ROBO1: variants seen among roughly 807,000 people sequenced by gnomAD.
ROBO1 encodes roundabout homolog 1.
In ROBO1, 149 loss-of-function variants were observed where a neutral mutation model predicts 195.9. The observed-to-expected ratio is 0.76, with a 90% CI of 0.67 to 0.87. ROBO1 has a LOEUF of 0.87. Ranked by LOEUF, ROBO1 falls within the 40% of genes least tolerant of loss-of-function variation. The probability of loss-of-function intolerance (pLI) is 0.00; values close to 1 mark genes in which losing one functional copy is unlikely to be tolerated. For missense variants in ROBO1, 1,933 were observed against 2,068.3 expected (o/e 0.93, Z 1.27); for synonymous variants, 816 against 733.2 (o/e 1.11, Z -1.82).
intron 2 of ROBO1, among the ~76,000 whole-genome samples, chr3:79,458,708 GA>G (rs566900439): frequency 1.7e-4 from 25 of 146,476 alleles, no homozygotes; most frequent in Middle Eastern, 3.5e-3. Flanking sequence ...TTTTCCATAG[GA>G]AAAAAAAAAC....
At chr3:79,381,768 T>TA (rs1300716206) in intron 2 of ROBO1, among the ~76,000 whole-genome samples, 3 of 152,054 alleles carry the variant, frequency 2.0e-5, no homozygotes, top group African/African-American at 7.2e-5. Flanking sequence ...TTTTCATATG[T>TA]AAAATGCTAT....
chr3:78,647,486 G>T, intron 20 of ROBO1, 143 bp downstream of exon 20: 3 of 794,144 alleles, frequency 3.8e-6, no homozygotes, highest in Admixed American at 3.8e-5. Context: ...ACACATGCCT[G>T]GTGTGAGTAA....
At chr3:79,424,927 T>C (rs2038385174) in intron 2 of ROBO1, among the ~76,000 whole-genome samples, 1 of 152,044 alleles carries the variant, frequency 6.6e-6, no homozygotes, top group African/African-American at 2.4e-5. Flanking sequence ...GAGAATGAAG[T>C]CATGCTAGAA....
chr3:79,655,744 A>G (rs1486086588), intron 1 of ROBO1, among the ~76,000 whole-genome samples: 1 of 152,114 alleles, frequency 6.6e-6, no homozygotes, highest in Admixed American at 6.6e-5. Context: ...AAAAGTAAGC[A>G]AGGGAGTATG....
intron 10 of ROBO1, among the ~76,000 whole-genome samples, chr3:78,675,526 G>A (rs1708361626): frequency 6.6e-6 from 1 of 152,194 alleles, no homozygotes; most frequent in Non-Finnish European, 1.5e-5. Flanking sequence ...TCCCGCACTT[G>A]GCTCGGAGGG....
intron 15 of ROBO1, 130 bp from the exon 16 acceptor site, chr3:78,661,391 T>C (rs1418286540): frequency 6.0e-6 from 3 of 500,042 alleles, no homozygotes; most frequent in African/African-American, 3.9e-5. Flanking sequence ...ACACAAGAAA[T>C]GTGTAAGAAT....
At chr3:78,623,644 G>T (rs1160957034) in intron 26 of ROBO1, among the ~76,000 whole-genome samples, 1 of 152,196 alleles carries the variant, frequency 6.6e-6, no homozygotes, top group African/African-American at 2.4e-5. Flanking sequence ...CAAGGAATTA[G>T]ACTGAAGGAG....
intron 3 of ROBO1, among the ~76,000 whole-genome samples, chr3:79,102,457 T>C (rs573135647): frequency 6.6e-6 from 1 of 151,720 alleles, no homozygotes; most frequent in African/African-American, 2.4e-5. Context: ...ATTGCAGCCA[T>C]AAAACACATA....
At chr3:78,839,163 A>G (rs1461060567) in intron 4 of ROBO1, among the ~76,000 whole-genome samples, 1 of 152,136 alleles carries the variant, frequency 6.6e-6, no homozygotes. Context: ...GATTCATTGC[A>G]TTGCATCACA....
At chr3:78,745,288 C>T (rs371052302) in intron 5 of ROBO1, among the ~76,000 whole-genome samples, 2 of 123,066 alleles carry the variant, frequency 1.6e-5, no homozygotes, top group South Asian at 2.4e-4. Flanking sequence ...AGCCTGGTGA[C>T]AGAGCAAGAC....
chr3:79,257,449 C>G (rs1291222501), intron 2 of ROBO1, among the ~76,000 whole-genome samples: 1 of 152,108 alleles, frequency 6.6e-6, no homozygotes, highest in Non-Finnish European at 1.5e-5. Flanking sequence ...AATTCCCACT[C>G]TTTTAGCCAG....
At chr3:79,675,780 A>C (rs1946766148) in intron 1 of ROBO1, among the ~76,000 whole-genome samples, 1 of 152,060 alleles carries the variant, frequency 6.6e-6, no homozygotes, top group Non-Finnish European at 1.5e-5. Flanking sequence ...ATGCTTATGA[A>C]ATTTCAAAAG....
At chr3:79,626,893 C>T (rs938365980) in intron 1 of ROBO1, among the ~76,000 whole-genome samples, 5 of 152,042 alleles carry the variant, frequency 3.3e-5, no homozygotes, top group Admixed American at 6.5e-5. Context: ...GAATGAACTC[C>T]GATTCACAAT....
At chr3:79,539,767 TAAGAAG>T (rs1941998314) in intron 2 of ROBO1, among the ~76,000 whole-genome samples, 1 of 152,080 alleles carries the variant, frequency 6.6e-6, no homozygotes, top group African/African-American at 2.4e-5. Flanking sequence ...TTTTCATGCT[TAAGAAG>T]AAGATAAAAA....
chr3:78,628,213 C>T (rs545823164), intron 25 of ROBO1, among the ~76,000 whole-genome samples: 33 of 152,298 alleles, frequency 2.2e-4, no homozygotes, highest in Admixed American at 6.5e-4. Flanking sequence ...CTCAGCCTCC[C>T]AAAGTGCTGG....
At chr3:78,872,403 T>C (rs1213910990) in intron 4 of ROBO1, among the ~76,000 whole-genome samples, 1 of 152,240 alleles carries the variant, frequency 6.6e-6, no homozygotes, top group Non-Finnish European at 1.5e-5. Context: ...TTGTCTGGAC[T>C]TTCCAGCTCT....
At chr3:78,924,778 C>T (rs898583953) in intron 4 of ROBO1, among the ~76,000 whole-genome samples, 1 of 152,088 alleles carries the variant, frequency 6.6e-6, no homozygotes, top group African/African-American at 2.4e-5. Flanking sequence ...AAGGCTGTGA[C>T]ATTCTAGTTT....
At chr3:78,752,579 C>A (rs1379499287) in intron 4 of ROBO1, among the ~76,000 whole-genome samples, 1 of 151,976 alleles carries the variant, frequency 6.6e-6, no homozygotes, top group Non-Finnish European at 1.5e-5. Flanking sequence ...GTTCTTTGTA[C>A]AAATGTGTGA....
chr3:78,710,870 G>T (rs1408583019), intron 8 of ROBO1, among the ~76,000 whole-genome samples: 1 of 152,082 alleles, frequency 6.6e-6, no homozygotes, highest in Non-Finnish European at 1.5e-5. Context: ...GAAGTTGCTC[G>T]TTTAAAAATA....
Sources: allele counts gnomAD v4.1 joint callset (sites outside exome capture counted in the v4.1 genomes callset), GRCh38; gene constraint gnomAD v4.1.1; transcripts MANE v1.5; gene names NCBI Gene and HGNC (gene_info 2026-07-23, HGNC 2026-07-21).